LRRC27: variants seen among roughly 807,000 people sequenced by gnomAD.
The protein encoded by LRRC27 is leucine-rich repeat-containing protein 27.
Under a neutral mutation model 55.0 loss-of-function variants are expected in LRRC27, and 57 were observed. The observed-to-expected ratio is 1.04, with a 90% CI of 0.84 to 1.29. The LOEUF (loss-of-function observed/expected upper bound fraction) is 1.29, where lower values mean the gene tolerates loss of function less well. Ranked by LOEUF, LRRC27 falls within the 50% of genes most tolerant of loss-of-function variation. The pLI is 0.00. For missense variants in LRRC27, 721 were observed against 651.5 expected, an observed-to-expected ratio of 1.11 and a Z score of -1.16; for synonymous variants, 278 against 251.9, an observed-to-expected ratio of 1.10 and a Z score of -0.98.
intron 6 of LRRC27, 63 bp from the exon 7 acceptor site, chr10:132,351,541 ATGT>A (rs1266210470): frequency 3.9e-6 from 6 of 1,550,572 alleles, no homozygotes; most frequent in African/African-American, 1.4e-5. Context: ...TACATTTCAC[ATGT>A]TGTATGAATT....
In LRRC27 at chr10:132,379,185, T is replaced by C. The variant is rs1293234905; in HGVS notation, c.*3943T>C. The C allele has an allele frequency of 6.6e-6, 1 of 152,512 alleles. No individual in the cohort carries two copies. The highest frequency in any genetic ancestry group is 1.4e-5 in the Non-Finnish European group (1 of 69,610). 9.4% of individuals were successfully genotyped at this position (152,512 alleles called of 1,614,324 possible). On this transcript the variant is annotated 3_prime_UTR_variant, in exon 11 of 11. Transcript: ENST00000368614. ...GAGTGCGTGGTGTCAGATCCCATCC[T>C]GCTCCTCTCCAGAGTTTCCTCTCAC... is the stretch of plus-strand genomic sequence containing the variant.
rs148321836 is a variant in LRRC27 at position 132,348,021 on chromosome 10, C to A, written c.591C>A (p.Leu197=). Residue 197 remains leucine, a synonymous_variant, in exon 6 of 11, where the codon CTC becomes CTA. Coordinates refer to ENST00000368614, the MANE Select transcript of LRRC27 (RefSeq NM_030626.3). The surrounding 1 kb of genome is among the most constrained non-coding windows in gnomAD (Gnocchi z 4.2). ...TTAGAGAGATGACCCTCCGTGACCT[C>A]CCGAGCCCAGGACTGGAGTTGTCTG... ...PPVREMTLRD[L]PSPGLELSGD... is the part of the protein sequence containing the mutation. The A allele has an allele frequency of 1.8e-4, 292 of 1,612,762 alleles. 3 individuals carry two copies. The Middle Eastern group carries it at 2.2e-3, about 12-fold the overall frequency.
Position 132,342,248 on chromosome 10 carries a change from T to A in LRRC27, c.377T>A (p.Ile126Asn). ...ACTTTGCTTTTAGAAAGAAATCCTA[T>A]CAAAATGTTACCTGTGGAGCTGGGT... ...LKTLLLERNP[I>N]KMLPVELGSV... The change falls in exon 4 of 11, where the codon ATC becomes AAC. Residue 126 changes from isoleucine to asparagine, a missense_variant. Physicochemically the swap from Ile to Asn is moderately radical, Grantham distance 149. Coordinates refer to ENST00000368614, the MANE Select transcript of LRRC27 (RefSeq NM_030626.3). 1 of 1,555,162 alleles carries A rather than the reference T, an allele frequency of 6.4e-7. No individual in the cohort carries two copies. Among genetic ancestry groups the A allele is most frequent in the South Asian group, 1.2e-5 (1 of 83,430 alleles).
Position 132,365,444 on chromosome 10 carries a change from T to C in LRRC27, c.1310T>C (p.Leu437Ser). ...CTCAGTGCCCTGCAGGAGAGAAATT[T>C]AGAAGAGAAGATAAAACAGCACGTC... ...KEMSALQERN[L>S]EEKIKQHVLQ... Residue 437 changes from leucine (L) to serine (S), a missense_variant, in exon 10 of 11, where the codon TTA becomes TCA. Physicochemically the swap from Leu to Ser is moderately radical, Grantham distance 145. Transcript: ENST00000368614. 1.9e-6 allele frequency: 3 copies of C among 1,613,688 alleles called. No homozygotes were observed. Among genetic ancestry groups the C allele is most frequent in the Non-Finnish European group, 2.5e-6 (3 of 1,179,966 alleles).
At chr10:132,367,581 C>A (rs1406475267) in intron 10 of LRRC27, among the ~76,000 whole-genome samples, 2 of 152,240 alleles carry the variant, frequency 1.3e-5, no homozygotes, top group Non-Finnish European at 2.9e-5. Flanking sequence ...CAATGCAATT[C>A]ATCACATCAG....
Position 132,375,380 on chromosome 10 carries a change from G to A in LRRC27, c.*138G>A. Reference sequence around the variant, plus strand: ...GAGGGCTGATTTCGCGCAGCCTGTTGTTTTCCTTAGACAGGTCCACGTCCC... The same window carrying A: ...GAGGGCTGATTTCGCGCAGCCTGTTATTTTCCTTAGACAGGTCCACGTCCC... On this transcript the variant is annotated 3_prime_UTR_variant, in exon 11 of 11. Coordinates refer to ENST00000368614, the MANE Select transcript of LRRC27 (RefSeq NM_030626.3). 1 of 714,012 alleles carries A rather than the reference G, an allele frequency of 1.4e-6. No homozygotes were observed. The highest frequency in any genetic ancestry group is 2.3e-6 in the Non-Finnish European group (1 of 441,188). The allele number at this position is 714,012 out of a possible 1,614,324, so 44.2% of individuals were successfully genotyped here. A position where few individuals can be genotyped will look rare whatever the true frequency, so the allele number is the denominator to read the frequency against.
At chr10:132,339,955 A>G (rs185257869) in intron 3 of LRRC27, among the ~76,000 whole-genome samples, 23 of 152,366 alleles carry the variant, frequency 1.5e-4, no homozygotes, top group African/African-American at 5.3e-4. Flanking sequence ...AATTAGATCA[A>G]CTACAGAGCT....
chr10:132,352,889 C>T, intron 7 of LRRC27: 2 of 1,613,960 alleles, frequency 1.2e-6, no homozygotes, highest in Non-Finnish European at 1.7e-6. Flanking sequence ...CAGTCCTTTC[C>T]TCCTCATTTT....
intron 7 of LRRC27, among the ~76,000 whole-genome samples, chr10:132,354,816 G>A (rs563018954): frequency 3.9e-5 from 6 of 152,324 alleles, no homozygotes; most frequent in Non-Finnish European, 8.8e-5. Flanking sequence ...AGAGGAGGCC[G>A]GATCTGGGGG....
intron 8 of LRRC27, among the ~76,000 whole-genome samples, chr10:132,357,317 A>G (rs1215221470): frequency 6.6e-6 from 1 of 152,250 alleles, no homozygotes; most frequent in Non-Finnish European, 1.5e-5. Context: ...AAAGTTTAAA[A>G]ATACATATTT....
rs765412847 is a variant in LRRC27 at position 132,361,484 on chromosome 10, G to T, written c.1198G>T (p.Asp400Tyr). The change falls in exon 9 of 11, where the codon GAT becomes TAT. Residue 400 changes from aspartate to tyrosine, a missense_variant. Asp to Tyr is a radical substitution (Grantham distance 160, BLOSUM62 -3). Coordinates refer to ENST00000368614, the MANE Select transcript of LRRC27 (RefSeq NM_030626.3). Reference sequence around the variant, plus strand: ...GGCATCAAAGATTCCCTCTGCCACAGATCTGATAGATAACAGGAAAGTACC... The same window carrying T: ...GGCATCAAAGATTCCCTCTGCCACATATCTGATAGATAACAGGAAAGTACC... ...MVASKIPSAT[D>Y]LIDNRKVPLN... 6.2e-7 allele frequency: 1 copy of T among 1,613,866 alleles called. No homozygotes were observed. The highest frequency in any genetic ancestry group is 8.5e-7 in the Non-Finnish European group (1 of 1,179,902).
chr10:132,345,897 TTCATCC>T (rs529082956), intron 5 of LRRC27, among the ~76,000 whole-genome samples: 1 of 152,252 alleles, frequency 6.6e-6, no homozygotes, highest in Non-Finnish European at 1.5e-5. Context: ...GATGTGATGC[TTCATCC>T]TGGATTGGAT....
At chr10:132,332,003 C>A (rs1012875124), upstream of LRRC27, among the ~76,000 whole-genome samples, 21 of 149,874 alleles carry the variant, frequency 1.4e-4, no homozygotes, top group South Asian at 4.5e-3. Context: ...CACCCGACCC[C>A]CTGCCGCGCA....
intron 9 of LRRC27, among the ~76,000 whole-genome samples, chr10:132,362,634 AGCTCGGGGGTCC>A (rs2068679505): frequency 7.1e-6 from 1 of 141,622 alleles, no homozygotes; most frequent in African/African-American, 2.7e-5. Flanking sequence ...ACCTCACAGC[AGCTCGGGGGTCC>A]AGGGCTCACC....
intron 10 of LRRC27, among the ~76,000 whole-genome samples, chr10:132,367,438 A>C (rs1342567719): frequency 1.1e-4 from 16 of 152,356 alleles, no homozygotes; most frequent in Non-Finnish European, 4.4e-5. Flanking sequence ...CCATACAAAG[A>C]TATTACAAGA....
Position 132,376,367 on chromosome 10 carries a change from T to C in LRRC27, c.*1125T>C, listed in dbSNP as rs1055756976. On this transcript the variant is annotated 3_prime_UTR_variant, in exon 11 of 11. Coordinates refer to ENST00000368614, the MANE Select transcript of LRRC27 (RefSeq NM_030626.3). ...AATGCATCACTTCCAAACCCATGTA[T>C]TAGAGAAGAAGGGCGTGAAATTTAT... is the stretch of plus-strand genomic sequence containing the variant. 6.6e-6 allele frequency: 1 copy of C among 152,258 alleles called. No homozygotes were observed. The highest frequency in any genetic ancestry group is 1.5e-5 in the Non-Finnish European group (1 of 68,044). The allele number at this position is 152,258 out of a possible 1,614,324, so 9.4% of individuals were successfully genotyped here.
chr10:132,357,111 G>A (rs114233191), intron 8 of LRRC27, among the ~76,000 whole-genome samples: 60 of 152,266 alleles, frequency 3.9e-4, no homozygotes, highest in African/African-American at 1.3e-3. Flanking sequence ...TAGTGTTTCC[G>A]TCTCCCCCCG....
At chr10:132,364,950 T>C (rs1179626420) in intron 9 of LRRC27, among the ~76,000 whole-genome samples, 2 of 150,502 alleles carry the variant, frequency 1.3e-5, no homozygotes, top group African/African-American at 2.4e-5. Context: ...GTCTTTAAAA[T>C]TAAAGGAACC....
chr10:132,344,451 A>G, intron 4 of LRRC27, 47 bp from the exon 5 acceptor site: 1 of 1,536,828 alleles, frequency 6.5e-7, no homozygotes, highest in Non-Finnish European at 8.9e-7. Flanking sequence ...TTTTCATTTC[A>G]AGAATGGTAT....
Sources: gnomAD v4.1 joint callset for allele counts (sites outside exome capture counted in the v4.1 genomes callset) on GRCh38, gnomAD v4.1.1 for gene constraint, Gnocchi (gnomAD v3.1) non-coding constraint, MANE v1.5 for transcripts, NCBI Gene and HGNC (gene_info 2026-07-23, HGNC 2026-07-21) for gene names.